The following TM7SF3 variants were observed in gnomAD, a reference collection of about 807,000 sequenced individuals.
TM7SF3 encodes transmembrane 7 superfamily member 3, also known as seven span transmembrane protein.
Under a neutral mutation model 65.5 loss-of-function variants are expected in TM7SF3, and 60 were observed. That is an observed-to-expected ratio of 0.92 (90% CI 0.74 to 1.14). The LOEUF is 1.14. TM7SF3 is among the 50% of genes most tolerant of loss of function. The pLI is 0.00. For synonymous variants in TM7SF3, 264 were observed against 259.6 expected, an observed-to-expected ratio of 1.02 and a Z score of -0.16; for missense variants, 623 against 684.8, an observed-to-expected ratio of 0.91 and a Z score of 1.01.
At position 26,999,583 on chromosome 12, in the gene TM7SF3, T is replaced by A; in HGVS notation, c.340A>T (p.Thr114Ser). The A allele has an allele frequency of 3.1e-6, 5 of 1,614,056 alleles. No homozygotes were observed. Among genetic ancestry groups the A allele is most frequent in the Non-Finnish European group, 4.2e-6 (5 of 1,179,980 alleles). ...EQSTCTWYLGTSGIQPVQNMA... is the reference protein window; with the variant it reads ...EQSTCTWYLGSSGIQPVQNMA... ...TTCTGGACAGGCTGTATGCCTGAAG[T>A]CCCCAAGTACCAAGTGCATGTACTC... The change falls in exon 3 of 12, where the codon ACT (threonine) becomes TCT (serine). Residue 114 changes from threonine (T) to serine (S), a missense_variant. By Grantham distance (58) the Thr-to-Ser change is moderately conservative. Coordinates refer to ENST00000343028, the MANE Select transcript of TM7SF3 (RefSeq NM_016551.3).
rs552651740 is a variant in TM7SF3, at chr12:26,980,536, A to G, written c.1036+30T>C. ...AAACACAGCACCTGCCTTCTTGAAT[A>G]CCCAGTTAAACTATATAATTTTCAC... On this transcript the variant is annotated intron_variant, in intron 8 of 11. Transcript: ENST00000343028. The G allele has an allele frequency of 4.7e-5, 52 of 1,108,928 alleles. No homozygotes were observed. The South Asian group carries it at 6.0e-4, about 13-fold the overall frequency. The allele number at this position is 1,108,928 out of a possible 1,614,324, so 68.7% of individuals were successfully genotyped here.
intron 4 of TM7SF3, among the ~76,000 whole-genome samples, chr12:26,996,046 G>A (rs1423694464): frequency 3.9e-5 from 6 of 152,056 alleles, no homozygotes; most frequent in Non-Finnish European, 7.4e-5. Flanking sequence ...GGGTGCAGTG[G>A]CTTATGCCTG....
intron 9 of TM7SF3, among the ~76,000 whole-genome samples, chr12:26,977,765 AAT>A (rs1491208597): frequency 1.5e-4 from 8 of 54,056 alleles, no homozygotes; most frequent in African/African-American, 5.7e-4. Flanking sequence ...GGAAAAAAAT[AAT>A]GTGTGTGTGT....
intron 2 of TM7SF3, among the ~76,000 whole-genome samples, chr12:27,001,477 G>A (rs2136438142): frequency 6.6e-6 from 1 of 152,302 alleles, no homozygotes; most frequent in South Asian, 2.1e-4. Context: ...CTGGGGGCCT[G>A]AGAGTCTGAG....
chr12:27,012,650 G>A (rs1941288610), intron 1 of TM7SF3: 4 of 455,844 alleles, frequency 8.8e-6, no homozygotes, highest in African/African-American at 2.0e-5. Context: ...CATTCACCAA[G>A]CACAAGACTT....
chr12:26,985,621 C>CAAAAAAAAA, intron 6 of TM7SF3, among the ~76,000 whole-genome samples: 1 of 61,066 alleles, frequency 1.6e-5, no homozygotes, highest in Non-Finnish European at 2.9e-5. Flanking sequence ...GTGAGACTGT[C>CAAAAAAAAA]AAAAAAAAAA....
intron 3 of TM7SF3, among the ~76,000 whole-genome samples, chr12:26,997,345 A>T (rs980378013): frequency 2.6e-5 from 4 of 152,212 alleles, no homozygotes; most frequent in Admixed American, 6.5e-5. Flanking sequence ...GCAGATACAC[A>T]GTGTGTATAT....
In TM7SF3 at chr12:26,993,363, A is replaced by G. The variant is rs991477409; in HGVS notation, c.690+1874T>C. On this transcript the variant is annotated intron_variant, in intron 5 of 11. Coordinates refer to ENST00000343028, the MANE Select transcript of TM7SF3 (RefSeq NM_016551.3). ...GAAGATGTGAAGTCAGTATTCTCAT[A>G]AAGTATTCCACAATTTTGTGTCTAA... Among the ~76,000 whole-genome samples, 7 of 152,208 alleles carry G rather than the reference A, an allele frequency of 4.6e-5. No individual in the cohort carries two copies. The South Asian group carries it at 1.4e-3, about 32-fold the overall frequency.
intron 1 of TM7SF3, among the ~76,000 whole-genome samples, chr12:27,009,060 C>A (rs1324760849): frequency 6.6e-6 from 1 of 152,156 alleles, no homozygotes; most frequent in Non-Finnish European, 1.5e-5. Flanking sequence ...GCAGTTCCAC[C>A]TTTCACATAA....
At chr12:26,980,786 AAG>A (rs1374794881) in intron 7 of TM7SF3, 140 bp from the exon 8 acceptor site, 3 of 529,290 alleles carry the variant, frequency 5.7e-6, no homozygotes, top group African/African-American at 2.0e-5. Context: ...CAGCATTCAG[AAG>A]AAAAAAAAAA....
In TM7SF3 at chr12:26,973,096, A is replaced by C. The variant is rs1210526774; in HGVS notation, c.*869T>G. 6.6e-6 allele frequency: 1 copy of C among 152,128 alleles called. No homozygotes were observed. Among genetic ancestry groups the C allele is most frequent in the Non-Finnish European group, 1.5e-5 (1 of 68,012 alleles). 9.4% of individuals were successfully genotyped at this position (152,128 alleles called of 1,614,324 possible). On this transcript the variant is annotated 3_prime_UTR_variant, in exon 12 of 12. Coordinates refer to ENST00000343028, the MANE Select transcript of TM7SF3 (RefSeq NM_016551.3). ...TTTAAAAAATACTGAAAAAAAAACA[A>C]AGGGTAACTTTTGGATAATGTATGA...
rs1319340118 is a variant in TM7SF3, at chr12:27,014,061, AG to A, written c.91+16del. On this transcript the variant is annotated intron_variant, in intron 1 of 11. Transcript: ENST00000343028. Reference sequence around the variant, plus strand: ...AAAGCAACTTTGGGTTGCAGAAGCCAGGCGCCCCGACCTTACCCTCGCTGGA... The same window carrying A: ...AAAGCAACTTTGGGTTGCAGAAGCCAGCGCCCCGACCTTACCCTCGCTGGA... The A allele has an allele frequency of 6.4e-7, 1 of 1,555,948 alleles. No individual in the cohort carries two copies. The highest frequency in any genetic ancestry group is 8.7e-7 in the Non-Finnish European group (1 of 1,148,166).
intron 1 of TM7SF3, among the ~76,000 whole-genome samples, chr12:27,005,753 A>G (rs927013178): frequency 6.6e-6 from 1 of 152,220 alleles, no homozygotes; most frequent in East Asian, 1.9e-4. Context: ...ACTTGACAAA[A>G]TAAGTAGGGG....
At chr12:26,978,111 T>A (rs1173754075) in intron 9 of TM7SF3, 3 of 449,476 alleles carry the variant, frequency 6.7e-6, no homozygotes, top group Non-Finnish European at 1.3e-5. Context: ...AATAAAAATA[T>A]GGGTTTGCAC....
chr12:26,990,299 G>T, intron 6 of TM7SF3, 151 bp downstream of exon 6: 1 of 526,690 alleles, frequency 1.9e-6, no homozygotes, highest in Non-Finnish European at 3.4e-6. Flanking sequence ...TATTTTTGCT[G>T]TTTTGTTTAC....
intron 6 of TM7SF3, among the ~76,000 whole-genome samples, chr12:26,984,449 C>CAAAA (rs61259350): frequency 2.1e-5 from 3 of 141,612 alleles, no homozygotes; most frequent in Non-Finnish European, 4.7e-5. Flanking sequence ...AAACGAAAAA[C>CAAAA]AAAAAAAAAA....
intron 6 of TM7SF3, among the ~76,000 whole-genome samples, chr12:26,983,126 C>G (rs1271956130): frequency 6.6e-6 from 1 of 151,846 alleles, no homozygotes; most frequent in Non-Finnish European, 1.5e-5. Flanking sequence ...CTTCCTATGA[C>G]ATATTCCTGG....
At chr12:26,980,409 A>G in intron 8 of TM7SF3, 157 bp downstream of exon 8, 1 of 615,282 alleles carries the variant, frequency 1.6e-6, no homozygotes, top group South Asian at 2.0e-5. Flanking sequence ...CTGAATGAGT[A>G]GTTCAGAAAA....
At chr12:27,011,741 A>T (rs1941251847) in intron 1 of TM7SF3, among the ~76,000 whole-genome samples, 1 of 152,202 alleles carries the variant, frequency 6.6e-6, no homozygotes, top group Non-Finnish European at 1.5e-5. Flanking sequence ...ATCACTCAGC[A>T]GTTAAGTCCC....
Sources: gnomAD v4.1 joint callset for allele counts (sites outside exome capture counted in the v4.1 genomes callset) on GRCh38, gnomAD v4.1.1 for gene constraint, MANE v1.5 for transcripts, NCBI Gene and HGNC (gene_info 2026-07-23, HGNC 2026-07-21) for gene names.